PRIM1: variants seen among roughly 807,000 people sequenced by gnomAD.
PRIM1 encodes the protein DNA primase small subunit.
Under a neutral mutation model 60.2 loss-of-function variants are expected in PRIM1, and 38 were observed. The observed-to-expected ratio is 0.63, with a 90% CI of 0.49 to 0.83. The LOEUF (loss-of-function observed/expected upper bound fraction) is 0.83, where lower values mean the gene tolerates loss of function less well. PRIM1 is among the 40% of genes least tolerant of loss of function. The pLI is 0.00. For missense variants in PRIM1, 388 were observed against 506.2 expected, an observed-to-expected ratio of 0.77 and a Z score of 2.24; for synonymous variants, 158 against 160.2, an observed-to-expected ratio of 0.99 and a Z score of 0.10.
chr12:56,736,696 G>A (rs1438633411), intron 11 of PRIM1, among the ~76,000 whole-genome samples: 1 of 152,066 alleles, frequency 6.6e-6, no homozygotes, highest in Non-Finnish European at 1.5e-5. Context: ...TAGAGACGGG[G>A]TTTAACCGTG....
At chr12:56,738,855 C>T (rs771390943) in intron 10 of PRIM1, among the ~76,000 whole-genome samples, 6 of 152,120 alleles carry the variant, frequency 3.9e-5, no homozygotes, top group Admixed American at 6.6e-5. Flanking sequence ...TCACCACGAA[C>T]AAGAGAAGTT....
chr12:56,732,533 C>A (rs1468834649), intron 12 of PRIM1, among the ~76,000 whole-genome samples: 4 of 152,154 alleles, frequency 2.6e-5, no homozygotes, highest in Non-Finnish European at 1.5e-5. Context: ...TCATGGCATT[C>A]CCTTCCTCAG....
chr12:56,733,567 C>CT (rs199534065), intron 12 of PRIM1, among the ~76,000 whole-genome samples: 7 of 145,258 alleles, frequency 4.8e-5, no homozygotes, highest in Middle Eastern at 3.6e-3. Context: ...GCATTTTGTA[C>CT]TTTTTTTTTT....
intron 7 of PRIM1, among the ~76,000 whole-genome samples, chr12:56,742,501 G>A (rs1023618446): frequency 5.9e-5 from 9 of 152,074 alleles, no homozygotes; most frequent in African/African-American, 1.7e-4. Flanking sequence ...CCCGGGAGGC[G>A]GAGGTTGCAG....
intron 10 of PRIM1, among the ~76,000 whole-genome samples, chr12:56,738,871 T>C (rs1409382555): frequency 6.6e-6 from 1 of 152,176 alleles, no homozygotes; most frequent in East Asian, 1.9e-4. Context: ...AAGTTTAATG[T>C]TGGTTTCTGA....
intron 2 of PRIM1, among the ~76,000 whole-genome samples, chr12:56,749,284 C>T (rs1368927866): frequency 6.6e-6 from 1 of 152,134 alleles, no homozygotes; most frequent in Non-Finnish European, 1.5e-5. Flanking sequence ...GCTAGAGTTA[C>T]AGGTGTGAAC....
At chr12:56,747,364 C>G (rs1301564566) in intron 2 of PRIM1, among the ~76,000 whole-genome samples, 1 of 149,736 alleles carries the variant, frequency 6.7e-6, no homozygotes, top group Non-Finnish European at 1.5e-5. Context: ...AGAACCTTTA[C>G]TTGTTACCAT....
intron 4 of PRIM1, among the ~76,000 whole-genome samples, chr12:56,746,564 G>C (rs1196499267): frequency 6.6e-6 from 1 of 151,818 alleles, no homozygotes; most frequent in Non-Finnish European, 1.5e-5. Context: ...CCAGGAGGCA[G>C]AGGTTGCAGT....
rs1263470765 is a variant in PRIM1, at chr12:56,741,433, A to T, written c.982+2T>A. 3.7e-6 allele frequency: 6 copies of T among 1,604,262 alleles called. No homozygotes were observed. The highest frequency in any genetic ancestry group is 5.1e-6 in the Non-Finnish European group (6 of 1,177,634). On this transcript the variant is annotated splice_donor_variant, in intron 9 of 12. Coordinates refer to ENST00000338193, the MANE Select transcript of PRIM1 (RefSeq NM_000946.3). LOFTEE classifies it high-confidence loss of function. ...GTTTTCCTTAGTTTCCTTGTGTAGT[A>T]CCTGTTTTAGGATGAACACTAAAAG... is the stretch of plus-strand genomic sequence containing the variant.
chr12:56,738,772 G>A (rs1228839654), intron 10 of PRIM1, among the ~76,000 whole-genome samples: 1 of 152,092 alleles, frequency 6.6e-6, no homozygotes, highest in Non-Finnish European at 1.5e-5. Flanking sequence ...GGATGGTCTC[G>A]ATCTCTTGAC....
At position 56,734,054 on chromosome 12, in the gene PRIM1, G is replaced by C. The variant is rs1953804468; in HGVS notation, c.1243+93C>G. 9.0e-6 allele frequency: 7 copies of C among 773,702 alleles called. No homozygotes were observed. In the South Asian group the frequency reaches 1.3e-4, roughly 15 times the overall value. The allele number at this position is 773,702 out of a possible 1,614,324, so 47.9% of individuals were successfully genotyped here. On this transcript the variant is annotated intron_variant, in intron 12 of 12. Coordinates refer to ENST00000338193, the MANE Select transcript of PRIM1 (RefSeq NM_000946.3). ...AGTAAGATAAATCTGTAAATTTTGG[G>C]AGGAGGGCAAAGAAAGACTAGAACT...
rs906777362 is a variant in PRIM1 at position 56,746,148 on chromosome 12, T to C, written c.476A>G (p.Tyr159Cys). The C allele has an allele frequency of 5.0e-6, 8 of 1,613,118 alleles. No individual in the cohort carries two copies. In the African/African-American group the frequency reaches 1.1e-4, roughly 22 times the overall value. ...DFGFKHRLWV[Y>C]SGRRGVHCWV... The stretch of plus-strand genomic sequence containing the variant: ...ACAATGAACACCTCTCCTTCCAGAA[T>C]ATACCCAGAGACGATGCTTAAATCC... Residue 159 changes from tyrosine to cysteine, a missense_variant, in exon 5 of 13, where the codon TAT (tyrosine) becomes TGT (cysteine). By Grantham distance (194) the Tyr-to-Cys change is radical. Transcript: ENST00000338193.
Position 56,746,768 on chromosome 12 carries a change from T to C in PRIM1, c.442+13A>G. 1 of 1,613,024 alleles carries C rather than the reference T, an allele frequency of 6.2e-7. No individual in the cohort carries two copies. Among genetic ancestry groups the C allele is most frequent in the Non-Finnish European group, 8.5e-7 (1 of 1,179,276 alleles). On this transcript the variant is annotated intron_variant, in intron 4 of 12. Coordinates refer to ENST00000338193, the MANE Select transcript of PRIM1 (RefSeq NM_000946.3). ...CTTACACTTGACCCCATTCAGAAAC[T>C]GCTGATACTTGCCCTTCAATGCTCT...
chr12:56,745,328 T>C (rs376698624), intron 5 of PRIM1, among the ~76,000 whole-genome samples: 159 of 151,970 alleles, frequency 1.0e-3, no homozygotes, highest in African/African-American at 3.7e-3. Flanking sequence ...GAAGGGTCAC[T>C]TGAGACCAGG....
At position 56,742,841 on chromosome 12, in the gene PRIM1, T is replaced by C. The variant is rs560708485; in HGVS notation, c.748+146A>G. The C allele has an allele frequency of 1.2e-4, 74 of 618,488 alleles. No individual in the cohort carries two copies. In the African/African-American group the frequency reaches 1.3e-3, roughly 11 times the overall value. The allele number at this position is 618,488 out of a possible 1,614,324, so 38.3% of individuals were successfully genotyped here. A position where few individuals can be genotyped will look rare whatever the true frequency, so the allele number is the denominator to read the frequency against. ...TTATTATGTTCCAGACCAGAGATACTAAAATCCAGAAATACAGGAGATATT... is the reference window on the plus strand; with the variant it reads ...TTATTATGTTCCAGACCAGAGATACCAAAATCCAGAAATACAGGAGATATT... On this transcript the variant is annotated intron_variant, in intron 7 of 12. Coordinates refer to ENST00000338193, the MANE Select transcript of PRIM1 (RefSeq NM_000946.3).
At chr12:56,738,775 C>T (rs1341418546) in intron 10 of PRIM1, among the ~76,000 whole-genome samples, 2 of 152,204 alleles carry the variant, frequency 1.3e-5, no homozygotes, top group African/African-American at 2.4e-5. Context: ...TGGTCTCGAT[C>T]TCTTGACCTT....
chr12:56,740,122 T>C (rs1953860742), intron 9 of PRIM1, among the ~76,000 whole-genome samples: 1 of 151,260 alleles, frequency 6.6e-6, no homozygotes, highest in Admixed American at 6.6e-5. Context: ...GGTGACAGAG[T>C]GGGACTCTGT....
chr12:56,731,881 T>A (rs186646602), intron 12 of PRIM1, 147 bp from the exon 13 acceptor site: 1 of 653,644 alleles, frequency 1.5e-6, no homozygotes, highest in Non-Finnish European at 2.5e-6. Flanking sequence ...GTCCACATCA[T>A]AGGCTGAGCT....
At chr12:56,743,559 G>C (rs985160234) in intron 6 of PRIM1, 2 of 156,472 alleles carry the variant, frequency 1.3e-5, no homozygotes, top group Non-Finnish European at 2.8e-5. Context: ...GACAGGTAGA[G>C]TGCATGCTGT....
Sources: gnomAD v4.1 joint callset for allele counts (sites outside exome capture counted in the v4.1 genomes callset) on GRCh38, gnomAD v4.1.1 for gene constraint, MANE v1.5 for transcripts, NCBI Gene and HGNC (gene_info 2026-07-23, HGNC 2026-07-21) for gene names.